Variants in RTL9 observed in about 807,000 individuals in gnomAD.
RTL9 encodes retrotransposon Gag like 9.
A neutral mutation model predicts 44.7 loss-of-function variants in RTL9; 19 were observed. The observed-to-expected ratio is 0.42, with a 90% CI of 0.30 to 0.62. The LOEUF is 0.62. Ranked by LOEUF, RTL9 falls within the 20% of genes least tolerant of loss-of-function variation. RTL9 has a pLI of 0.16. For synonymous variants in RTL9, 407 were observed against 398.9 expected, an observed-to-expected ratio of 1.02 and a Z score of -0.24; for missense variants, 1,105 against 1,080.6, an observed-to-expected ratio of 1.02 and a Z score of -0.32.
chrX:110,421,037 G>A (rs901502920), intron 1 of RTL9, among the ~76,000 whole-genome samples: 1 of 111,881 alleles, frequency 8.9e-6, no homozygotes, highest in African/African-American at 3.3e-5. Context: ...TGATATTTGC[G>A]TGAAAAGGCA....
intron 1 of RTL9, among the ~76,000 whole-genome samples, chrX:110,392,916 C>A (rs778080466): frequency 8.9e-6 from 1 of 111,936 alleles, no homozygotes; most frequent in Non-Finnish European, 1.9e-5. Flanking sequence ...TTTGAGCTGG[C>A]GTTGTGAGTT....
intron 1 of RTL9, chrX:110,419,181 A>G (rs1352148746): frequency 1.8e-5 from 2 of 111,737 alleles, no homozygotes; most frequent in Non-Finnish European, 3.8e-5. Flanking sequence ...TCAGCTTCAA[A>G]ATGCATGTAC....
intron 1 of RTL9, among the ~76,000 whole-genome samples, chrX:110,407,018 T>C (rs1451213811): frequency 1.8e-5 from 2 of 111,742 alleles, no homozygotes; most frequent in Admixed American, 9.5e-5. Flanking sequence ...GGATGATTGA[T>C]TGTGTTTTCT....
At chrX:110,439,536 G>T (rs932524248) in intron 1 of RTL9, among the ~76,000 whole-genome samples, 5 of 111,951 alleles carry the variant, frequency 4.5e-5, no homozygotes, top group Non-Finnish European at 5.6e-5. Flanking sequence ...TAATAGCTGT[G>T]GTTGCATTTA....
At chrX:110,360,469 T>G (rs1239425714) in intron 1 of RTL9, among the ~76,000 whole-genome samples, 1 of 111,448 alleles carries the variant, frequency 9.0e-6, no homozygotes, top group South Asian at 3.8e-4. Context: ...GATGTTATCT[T>G]GAACTAGATT....
At chrX:110,369,112 C>T (rs908855198) in intron 1 of RTL9, among the ~76,000 whole-genome samples, 35 of 111,840 alleles carry the variant, frequency 3.1e-4, no homozygotes, top group Non-Finnish European at 5.6e-4. Context: ...GTGGGCAGAT[C>T]AGGAAGTCAG....
exon 1 of RTL9, chrX:110,450,837 A>G (rs776290244): frequency 8.3e-7 from 1 of 1,211,182 alleles, no homozygotes; most frequent in Non-Finnish European, 1.1e-6. Context: ...CTTTGACACC[A>G]TGTCTGCACC....
intron 1 of RTL9, among the ~76,000 whole-genome samples, chrX:110,419,582 A>G (rs1272942794): frequency 8.9e-6 from 1 of 112,703 alleles, no homozygotes; most frequent in Non-Finnish European, 1.9e-5. Flanking sequence ...TCACTCAGCA[A>G]TGTGTCCCTC....
intron 1 of RTL9, among the ~76,000 whole-genome samples, chrX:110,393,593 T>C (rs2068509190): frequency 8.9e-6 from 1 of 111,943 alleles, no homozygotes; most frequent in Non-Finnish European, 1.9e-5. Context: ...CCTCTAAAAG[T>C]TTCTTCTTCT....
At chrX:110,396,437 T>TC (rs373103405) in intron 1 of RTL9, among the ~76,000 whole-genome samples, 31 of 110,983 alleles carry the variant, frequency 2.8e-4, no homozygotes, top group African/African-American at 6.2e-4. Context: ...GAAATTATTA[T>TC]CCCCCCCATC....
At chrX:110,450,165 A>G (rs1569432867), upstream of RTL9, among the ~76,000 whole-genome samples, 1 of 111,101 alleles carries the variant, frequency 9.0e-6, no homozygotes, top group African/African-American at 3.3e-5. Context: ...GGGGCAAAGG[A>G]CTTTCCCATT....
intron 1 of RTL9, among the ~76,000 whole-genome samples, chrX:110,370,200 A>C (rs937295487): frequency 9.0e-6 from 1 of 111,177 alleles, no homozygotes; most frequent in Non-Finnish European, 1.9e-5. Context: ...TAAAATTTTT[A>C]AATTTTTATT....
intron 1 of RTL9, among the ~76,000 whole-genome samples, chrX:110,399,609 G>A (rs1486111972): frequency 8.9e-6 from 1 of 112,428 alleles, no homozygotes; most frequent in Non-Finnish European, 1.9e-5. Context: ...CATGTTAGGA[G>A]AGCTGATGTG....
intron 1 of RTL9, among the ~76,000 whole-genome samples, chrX:110,431,316 G>A (rs1391361035): frequency 1.1e-5 from 1 of 95,031 alleles, no homozygotes. Flanking sequence ...GGAAAATGAG[G>A]GGAAGGCTGT....
At chrX:110,448,146 G>A (rs1187215938), upstream of RTL9, among the ~76,000 whole-genome samples, 1 of 111,651 alleles carries the variant, frequency 9.0e-6, no homozygotes, top group Non-Finnish European at 1.9e-5. Flanking sequence ...CTGTGACCCT[G>A]GGGTAAATTG....
intron 1 of RTL9, among the ~76,000 whole-genome samples, chrX:110,402,139 C>T (rs2068569723): frequency 1.8e-5 from 2 of 112,579 alleles, no homozygotes; most frequent in African/African-American, 3.2e-5. Flanking sequence ...TGATTTGAAT[C>T]GGAAAACAGA....
chrX:110,452,771 G>C (rs373489203), exon 1 of RTL9: 2 of 1,211,316 alleles, frequency 1.7e-6, no homozygotes, highest in Non-Finnish European at 2.2e-6. Context: ...CTGGAAAGAT[G>C]CTCAGTCAGC....
At chrX:110,415,939 AT>A (rs1329563865), upstream of RTL9, among the ~76,000 whole-genome samples, 1 of 108,861 alleles carries the variant, frequency 9.2e-6, no homozygotes, top group African/African-American at 3.4e-5. Context: ...AAATGATGAA[AT>A]TGTTCCCTTT....
intron 1 of RTL9, among the ~76,000 whole-genome samples, chrX:110,433,180 C>T (rs1002336207): frequency 4.4e-5 from 5 of 112,422 alleles, no homozygotes; most frequent in Non-Finnish European, 7.5e-5. Context: ...ACCCTCAAGC[C>T]GAGCCTGACG....
Sources: allele counts gnomAD v4.1 joint callset (sites outside exome capture counted in the v4.1 genomes callset), GRCh38; gene constraint gnomAD v4.1.1; transcripts MANE v1.5; gene names NCBI Gene and HGNC (gene_info 2026-07-23, HGNC 2026-07-21).